The following GRIN2B variants were observed in gnomAD, a reference collection of about 807,000 sequenced individuals.
GRIN2B encodes glutamate receptor ionotropic, NMDA 2B.
GRIN2B carries 5 observed loss-of-function variants against 114.5 expected under a neutral mutation model. That is an observed-to-expected ratio of 0.04 (90% CI 0.02 to 0.09). GRIN2B has a LOEUF of 0.09. Ranked by LOEUF, GRIN2B falls within the 10% of genes least tolerant of loss-of-function variation. The pLI, the probability that GRIN2B is intolerant of heterozygous loss-of-function variation, is 1.00. For synonymous variants in GRIN2B, 787 were observed against 745.1 expected, an observed-to-expected ratio of 1.06 and a Z score of -0.92; for missense variants, 1,108 against 1,943.5, an observed-to-expected ratio of 0.57 and a Z score of 8.08.
chr12:13,754,100 T>C (rs1863536807), intron 3 of GRIN2B, among the ~76,000 whole-genome samples, 185 bp from the exon 4 acceptor site: 1 of 152,248 alleles, frequency 6.6e-6, no homozygotes, highest in African/African-American at 2.4e-5. Flanking sequence ...TTGTAATACT[T>C]TTCTTCCTAA....
At chr12:13,630,220 C>A (rs547340260) in intron 5 of GRIN2B, among the ~76,000 whole-genome samples, 6 of 152,182 alleles carry the variant, frequency 3.9e-5, no homozygotes, top group Non-Finnish European at 8.8e-5. Flanking sequence ...ATGATTCTAC[C>A]AATACTAGCT....
intron 3 of GRIN2B, among the ~76,000 whole-genome samples, chr12:13,790,961 C>T (rs532838425): frequency 4.6e-5 from 7 of 152,152 alleles, no homozygotes; most frequent in Non-Finnish European, 1.0e-4. Context: ...GAACCCTTCC[C>T]TGCAGACACA....
At chr12:13,941,116 G>C (rs1013359858) in intron 2 of GRIN2B, among the ~76,000 whole-genome samples, 1 of 151,956 alleles carries the variant, frequency 6.6e-6, no homozygotes, top group African/African-American at 2.4e-5. Flanking sequence ...TAGGAGGGTG[G>C]GTAGACAGGG....
At chr12:13,859,711 G>A (rs931637385) in intron 3 of GRIN2B, among the ~76,000 whole-genome samples, 2 of 152,074 alleles carry the variant, frequency 1.3e-5, no homozygotes, top group Non-Finnish European at 2.9e-5. Context: ...GTGTGACTTT[G>A]GCCAACATAC....
intron 3 of GRIN2B, among the ~76,000 whole-genome samples, chr12:13,764,171 C>A (rs2136639465): frequency 7.1e-6 from 1 of 140,606 alleles, no homozygotes; most frequent in Non-Finnish European, 1.5e-5. Context: ...CTATCCTTCT[C>A]TATATCCATA....
intron 2 of GRIN2B, among the ~76,000 whole-genome samples, chr12:13,886,413 T>C (rs11055665): frequency 0.4 from 60,932 of 151,880 alleles, 13,488 homozygotes; most frequent in East Asian, 0.65. Flanking sequence ...ATTAGGAAAA[T>C]TGGAACATAA....
rs139759594 is a variant in GRIN2B at position 13,934,685 on chromosome 12, C to T, written c.-19+45243G>A. Among the ~76,000 whole-genome samples, 15 of 144,230 alleles carry T rather than the reference C, an allele frequency of 1.0e-4. 1 individual carries two copies. The highest frequency in any genetic ancestry group is 4.4e-4 in the African/African-American group (15 of 33,910). The allele number at this position is 144,230 out of a possible 152,430, so 94.6% of individuals were successfully genotyped here. A position where few individuals can be genotyped will look rare whatever the true frequency, so the allele number is the denominator to read the frequency against. The stretch of plus-strand genomic sequence containing the variant: ...GGCATCTGGCCATCACGTACAACTT[C>T]ATCACTGGCAGGAAGCCAAGACCCC... On this transcript the variant is annotated intron_variant, in intron 2 of 13. Coordinates refer to ENST00000609686, the MANE Select transcript of GRIN2B (RefSeq NM_000834.5).
chr12:13,912,656 C>A (rs2136801492), intron 2 of GRIN2B, among the ~76,000 whole-genome samples: 1 of 152,188 alleles, frequency 6.6e-6, no homozygotes, highest in Non-Finnish European at 1.5e-5. Context: ...GGAGTGTGCC[C>A]TTAATATTTG....
intron 5 of GRIN2B, among the ~76,000 whole-genome samples, chr12:13,649,400 T>C (rs116905300): frequency 1.3e-3 from 205 of 152,190 alleles, no homozygotes; most frequent in Non-Finnish European, 2.5e-3. Context: ...CAGCTTACAA[T>C]TGGTTCCTAT....
At chr12:13,807,209 C>T (rs1591743035) in intron 3 of GRIN2B, among the ~76,000 whole-genome samples, 3 of 152,068 alleles carry the variant, frequency 2.0e-5, no homozygotes, top group Admixed American at 6.6e-5. Flanking sequence ...TTGGATTAGA[C>T]GATTTCTATG....
chr12:13,547,981 A>ATATATATATATATATATATATATATTTT lies in GRIN2B; in HGVS notation c.*14801_*14802insAAAATATATATATATATATATATATATA. ...TGTGTATATATATATATATATATAT[A>ATATATATATATATATATATATATATTTT]TTTTTTTTTTTTTTCTGAAAGCTAC... On this transcript the variant is annotated 3_prime_UTR_variant, in exon 14 of 14. Transcript: ENST00000609686. 2.9e-5 allele frequency: 2 copies of ATATATATATATATATATATATATATTTT among 68,596 alleles called. No homozygotes were observed. The highest frequency in any genetic ancestry group is 9.2e-5 in the African/African-American group (2 of 21,784). The allele number at this position is 68,596 out of a possible 1,614,324, so 4.2% of individuals were successfully genotyped here.
At chr12:13,833,603 G>A (rs533669557) in intron 3 of GRIN2B, among the ~76,000 whole-genome samples, 5 of 152,250 alleles carry the variant, frequency 3.3e-5, no homozygotes, top group Admixed American at 6.5e-5. Flanking sequence ...GACCTAAAAC[G>A]AGGCTGTCAT....
At chr12:13,941,492 G>A (rs1867252161) in intron 2 of GRIN2B, among the ~76,000 whole-genome samples, 1 of 152,206 alleles carries the variant, frequency 6.6e-6, no homozygotes, top group Non-Finnish European at 1.5e-5. Context: ...GGGATTGGGT[G>A]TGACCTTTTG....
chr12:13,771,882 C>A (rs1476200392), intron 3 of GRIN2B, among the ~76,000 whole-genome samples: 1 of 152,246 alleles, frequency 6.6e-6, no homozygotes, highest in African/African-American at 2.4e-5. Flanking sequence ...TTGACTGGTC[C>A]TTCAATGCAA....
chr12:13,907,935 A>G (rs1866570282), intron 2 of GRIN2B, among the ~76,000 whole-genome samples: 1 of 152,174 alleles, frequency 6.6e-6, no homozygotes, highest in African/African-American at 2.4e-5. Context: ...CTACTACCCT[A>G]AGTGCCTTAA....
At chr12:13,945,420 G>A (rs767177783) in intron 2 of GRIN2B, among the ~76,000 whole-genome samples, 5 of 152,160 alleles carry the variant, frequency 3.3e-5, no homozygotes, top group Non-Finnish European at 7.3e-5. Flanking sequence ...GTTACTGCTT[G>A]AGTCTGGCTC....
intron 2 of GRIN2B, among the ~76,000 whole-genome samples, chr12:13,971,162 A>G (rs916329944): frequency 1.3e-5 from 2 of 152,200 alleles, no homozygotes; most frequent in Admixed American, 1.3e-4. Context: ...TCTCCTAAAT[A>G]TTTAGTGCCT....
At chr12:13,897,990 T>TA (rs369484619) in intron 2 of GRIN2B, among the ~76,000 whole-genome samples, 35 of 144,670 alleles carry the variant, frequency 2.4e-4, no homozygotes, top group African/African-American at 7.6e-4. Flanking sequence ...TAAAGTATAA[T>TA]AATAAATAAA....
In GRIN2B at chr12:13,547,981, A is replaced by ATATATATATATATATATATATTTTT; in HGVS notation, c.*14801_*14802insAAAAATATATATATATATATATATA. On this transcript the variant is annotated 3_prime_UTR_variant, in exon 14 of 14. Transcript: ENST00000609686. ...TGTGTATATATATATATATATATAT[A>ATATATATATATATATATATATTTTT]TTTTTTTTTTTTTTCTGAAAGCTAC... 1 of 68,596 alleles carries ATATATATATATATATATATATTTTT rather than the reference A, an allele frequency of 1.5e-5. No individual in the cohort carries two copies. Among genetic ancestry groups the ATATATATATATATATATATATTTTT allele is most frequent in the African/African-American group, 4.6e-5 (1 of 21,786 alleles). The allele number at this position is 68,596 out of a possible 1,614,324, so 4.2% of individuals were successfully genotyped here. A position where few individuals can be genotyped will look rare whatever the true frequency, so the allele number is the denominator to read the frequency against.
Sources: allele counts gnomAD v4.1 joint callset (sites outside exome capture counted in the v4.1 genomes callset), GRCh38; gene constraint gnomAD v4.1.1; transcripts MANE v1.5; gene names NCBI Gene and HGNC (gene_info 2026-07-23, HGNC 2026-07-21).